The following MYH3 variants were observed in gnomAD, a reference collection of about 807,000 sequenced individuals.
The protein encoded by MYH3 is myosin-3.
Under a neutral mutation model 238.0 loss-of-function variants are expected in MYH3, and 130 were observed. That is an observed-to-expected ratio of 0.55 (90% CI 0.47 to 0.63). The LOEUF is 0.63. Among genes scored for constraint, MYH3 ranks in the 30% least tolerant of loss-of-function variants. MYH3 has a pLI of 0.00. For synonymous variants in MYH3, 880 were observed against 924.1 expected (o/e 0.95, Z 0.86); for missense variants, 1,853 against 2,374.9 (o/e 0.78, Z 4.57).
chr17:10,641,277 T>C lies in MYH3; in HGVS notation c.2047+8A>G. 2 of 1,611,228 alleles carry C rather than the reference T, an allele frequency of 1.2e-6. No homozygotes were observed. Among genetic ancestry groups the C allele is most frequent in the Non-Finnish European group, 1.7e-6 (2 of 1,177,396 alleles). On this transcript the variant is annotated splice_region_variant and intron_variant, in intron 18 of 40. Coordinates refer to ENST00000583535, the MANE Select transcript of MYH3 (RefSeq NM_002470.4). Reference sequence around the variant, plus strand: ...GAGCACCACCTAGCGAGCCAGCAGGTGTCTCACCTGGAGTTTTGGTTTCAT... The same window carrying C: ...GAGCACCACCTAGCGAGCCAGCAGGCGTCTCACCTGGAGTTTTGGTTTCAT...
rs555457937 is a variant in MYH3, at chr17:10,652,714, C to T, written c.205-151G>A. ...TCGGCTCACTGCAAGCTCCACCTCC[C>T]GGGTTCACACCATTCTTCTGCCTCA... On this transcript the variant is annotated intron_variant, in intron 3 of 40. Coordinates refer to ENST00000583535, the MANE Select transcript of MYH3 (RefSeq NM_002470.4). 5.6e-4 allele frequency: 470 copies of T among 844,660 alleles called. 1 individual carries two copies. In the African/African-American group the frequency reaches 5.8e-3, roughly 10 times the overall value. The allele number at this position is 844,660 out of a possible 1,614,324, so 52.3% of individuals were successfully genotyped here.
chr17:10,635,435 C>T lies in MYH3; in HGVS notation c.4104G>A (p.Glu1368=). The change falls in exon 30 of 41, where the codon GAG becomes GAA. Residue 1368 remains glutamate, a synonymous_variant. Coordinates refer to ENST00000583535, the MANE Select transcript of MYH3 (RefSeq NM_002470.4). ...CGTATTTGGTTCTCCACTGGGCAACCTCACTATTGGCCTTGGACAGCGCCC... is the reference window on the plus strand; with the variant it reads ...CGTATTTGGTTCTCCACTGGGCAACTTCACTATTGGCCTTGGACAGCGCCC... ...LQRALSKANS[E]VAQWRTKYET... The T allele has an allele frequency of 6.2e-7, 1 of 1,614,106 alleles. No homozygotes were observed. Among genetic ancestry groups the T allele is most frequent in the Non-Finnish European group, 8.5e-7 (1 of 1,179,926 alleles).
chr17:10,644,558 C>A (rs2074303071), intron 13 of MYH3, 26 bp downstream of exon 13: 1 of 1,613,368 alleles, frequency 6.2e-7, no homozygotes, highest in South Asian at 1.1e-5. Flanking sequence ...GGGTCCTGCA[C>A]CCTTTCCCGG....
intron 32 of MYH3, 68 bp downstream of exon 32, chr17:10,633,949 C>CA: frequency 6.3e-7 from 1 of 1,587,884 alleles, no homozygotes; most frequent in Admixed American, 1.7e-5. Context: ...AAGCCACACC[C>CA]ACGCCAGCAT....
rs2074266657 is a variant in MYH3 at position 10,641,078 on chromosome 17, T to C, written c.2165+7A>G. 6.4e-7 allele frequency: 1 copy of C among 1,571,430 alleles called. No individual in the cohort carries two copies. Among genetic ancestry groups the C allele is most frequent in the Admixed American group, 1.7e-5 (1 of 59,976 alleles). ...CCCCAAGCATATAGAACATGTTTAT[T>C]ACACACCTTTGTTTAAAATCGCCAT... On this transcript the variant is annotated splice_region_variant and intron_variant, in intron 19 of 40. Transcript: ENST00000583535.
In MYH3 at chr17:10,634,800, T is replaced by C. The variant is rs777559078; in HGVS notation, c.4356+40A>G. Reference sequence around the variant, plus strand: ...CCTTCCACGGCTGCTAGGAATCCCTTACATCATGGCATTCACCCAGCACAC... The same window carrying C: ...CCTTCCACGGCTGCTAGGAATCCCTCACATCATGGCATTCACCCAGCACAC... On this transcript the variant is annotated intron_variant, in intron 31 of 40. Coordinates refer to ENST00000583535, the MANE Select transcript of MYH3 (RefSeq NM_002470.4). The C allele has an allele frequency of 6.8e-6, 11 of 1,612,856 alleles. No homozygotes were observed. In the South Asian group the frequency reaches 1.2e-4, roughly 18 times the overall value.
Position 10,638,271 on chromosome 17 carries a change from C to T in MYH3, c.3501G>A (p.Lys1167=). Residue 1167 remains lysine, a synonymous_variant, in exon 27 of 41, where the codon AAG becomes AAA. Transcript: ENST00000583535. ...GCAGCTTCAGGAACTCCGCCTCCCG[C>T]TTCTTGTTGAGCTCTATCTGCGTGG... ...VTSTQIELNK[K]REAEFLKLRR... 1 of 1,613,926 alleles carries T rather than the reference C, an allele frequency of 6.2e-7. No homozygotes were observed. The highest frequency in any genetic ancestry group is 1.1e-5 in the South Asian group (1 of 91,062).
In MYH3 at chr17:10,631,643, C is replaced by G; in HGVS notation, c.5254G>C (p.Ala1752Pro). 2 of 1,614,112 alleles carry G rather than the reference C, an allele frequency of 1.2e-6. No homozygotes were observed. Among genetic ancestry groups the G allele is most frequent in the Non-Finnish European group, 1.7e-6 (2 of 1,180,006 alleles). The change falls in exon 36 of 41, where the codon GCT becomes CCT. Residue 1752 changes from alanine (A) to proline (P), a missense_variant. Ala to Pro is a conservative substitution (Grantham distance 27). Around this residue, in one of 3 missense-constraint regions of MYH3, gnomAD observed 1,044 missense variants for 1,192.6 expected, o/e 0.88. Coordinates refer to ENST00000583535, the MANE Select transcript of MYH3 (RefSeq NM_002470.4). ...VEDASRDARNAEEKAKKAITD... is the reference protein window; with the variant it reads ...VEDASRDARNPEEKAKKAITD... Reference sequence around the variant, plus strand: ...ATGGCCTTCTTGGCCTTCTCCTCAGCGTTCCTTGCATCCCTGCTGGCATCT... The same window carrying G: ...ATGGCCTTCTTGGCCTTCTCCTCAGGGTTCCTTGCATCCCTGCTGGCATCT...
At chr17:10,651,088 GGCAGGAGAATC>G (rs1246936936) in intron 5 of MYH3, among the ~76,000 whole-genome samples, 1 of 150,816 alleles carries the variant, frequency 6.6e-6, no homozygotes, top group Non-Finnish European at 1.5e-5. Context: ...GGGAGGCTGA[GGCAGGAGAATC>G]GCTTGAACCC....
At chr17:10,638,805 A>G in intron 26 of MYH3, 68 bp downstream of exon 26, 1 of 1,498,514 alleles carries the variant, frequency 6.7e-7, no homozygotes, top group South Asian at 1.1e-5. Context: ...TAAATGGCTT[A>G]TAGCAGACAG....
chr17:10,629,084 T>C (rs1466096855), intron 40 of MYH3, among the ~76,000 whole-genome samples: 1 of 152,130 alleles, frequency 6.6e-6, no homozygotes, highest in Non-Finnish European at 1.5e-5. Context: ...TAGGTATACA[T>C]GTGCCATGGT....
intron 28 of MYH3, among the ~76,000 whole-genome samples, chr17:10,636,897 G>A (rs1374884307): frequency 6.6e-6 from 1 of 151,408 alleles, no homozygotes; most frequent in Non-Finnish European, 1.5e-5. Context: ...CTGGGTGACA[G>A]AGAGTGAGAC....
rs746109263 is a variant in MYH3, at chr17:10,635,841, C to T, written c.3869G>A (p.Arg1290His). The change falls in exon 29 of 41, where the codon CGT (arginine) becomes CAT (histidine). Residue 1290 changes from arginine (R) to histidine (H), a missense_variant. Around this residue, in one of 3 missense-constraint regions of MYH3, gnomAD observed 1,044 missense variants for 1,192.6 expected, o/e 0.88. Coordinates refer to ENST00000583535, the MANE Select transcript of MYH3 (RefSeq NM_002470.4). ...TATGCTTTCTTTTTCTTCCAGCTGA[C>T]GACTCAGCTCACCTGTGTCCAGAAG... is the stretch of plus-strand genomic sequence containing the variant. Reference protein sequence around the residue: ...RLQTEAGELSRQLEEKESIVS... With the variant: ...RLQTEAGELSHQLEEKESIVS... 48 of 1,613,114 alleles carry T rather than the reference C, an allele frequency of 3.0e-5. No individual in the cohort carries two copies. In the Admixed American group the frequency reaches 5.2e-4, roughly 17 times the overall value.
At chr17:10,660,785 A>G (rs1017444081), upstream of MYH3, among the ~76,000 whole-genome samples, 9 of 152,092 alleles carry the variant, frequency 5.9e-5, no homozygotes, top group Non-Finnish European at 1.0e-4. Flanking sequence ...GTTTGAGACC[A>G]GCCTAGCTAA....
In MYH3 at chr17:10,632,745, G is replaced by C; in HGVS notation, c.4687C>G (p.Gln1563Glu). Residue 1563 changes from glutamine (Q) to glutamate (E), a missense_variant, in exon 34 of 41, where the codon CAG becomes GAG. Coordinates refer to ENST00000583535, the MANE Select transcript of MYH3 (RefSeq NM_002470.4). Reference protein sequence around the residue: ...EHEEAKILRIQLELTQVKSEI... With the variant: ...EHEEAKILRIELELTQVKSEI... Reference sequence around the variant, plus strand: ...GATTTCACTTGTGTCAATTCAAGCTGGATTCGGAGGATCTTGGCTTCTTCA... The same window carrying C: ...GATTTCACTTGTGTCAATTCAAGCTCGATTCGGAGGATCTTGGCTTCTTCA... The C allele has an allele frequency of 6.2e-7, 1 of 1,614,156 alleles. No homozygotes were observed. Among genetic ancestry groups the C allele is most frequent in the Non-Finnish European group, 8.5e-7 (1 of 1,180,040 alleles).
At chr17:10,639,936 CTAAA>C (rs2074252975) in intron 22 of MYH3, 56 bp downstream of exon 22, 2 of 1,590,520 alleles carry the variant, frequency 1.3e-6, no homozygotes, top group Middle Eastern at 3.6e-4. Context: ...CTCAATTTTT[CTAAA>C]TAAATAATCA....
chr17:10,673,265 G>A, the MYH3 span: 2 of 152,096 alleles, frequency 1.3e-5, no homozygotes, highest in Non-Finnish European at 2.9e-5. Flanking sequence ...TATCTTGTCT[G>A]GTTATGTGCA....
rs1165928045 is a variant in MYH3 at position 10,639,656 on chromosome 17, T to G, written c.2829A>C (p.Lys943Asn). Residue 943 changes from lysine to asparagine, a missense_variant, in exon 23 of 41, where the codon AAA becomes AAC. Lys to Asn is a moderately conservative substitution (Grantham distance 94). This residue lies in a region of MYH3 where 678 missense variants were observed against 1,058.9 expected (regional missense o/e 0.64). Coordinates refer to ENST00000583535, the MANE Select transcript of MYH3 (RefSeq NM_002470.4). The stretch of plus-strand genomic sequence containing the variant: ...TGAGCTCTGAGCATTCATCCTCCAG[T>G]TTCCTCTTCTTGGCCGTCAGCTCAG... ...INAELTAKKRKLEDECSELKK... is the reference protein window; with the variant it reads ...INAELTAKKRNLEDECSELKK... 1.2e-6 allele frequency: 2 copies of G among 1,613,942 alleles called. No individual in the cohort carries two copies.
At chr17:10,629,796 GAA>G in intron 39 of MYH3, 44 bp downstream of exon 39, 1 of 1,614,018 alleles carries the variant, frequency 6.2e-7, no homozygotes, top group Non-Finnish European at 8.5e-7. Context: ...CTCACCACGG[GAA>G]ACAGCACGGT....
Sources: allele counts gnomAD v4.1 joint callset (sites outside exome capture counted in the v4.1 genomes callset), GRCh38; gene constraint gnomAD v4.1.1; regional missense constraint gnomAD v4.1.1; transcripts MANE v1.5; gene names NCBI Gene and HGNC (gene_info 2026-07-23, HGNC 2026-07-21).